PRDM1: variants seen among roughly 807,000 people sequenced by gnomAD.
PRDM1 encodes the protein PR domain zinc finger protein 1.
PRDM1 carries 13 observed loss-of-function variants against 62.8 expected under a neutral mutation model. The observed-to-expected ratio is 0.21, with a 90% confidence interval of 0.13 to 0.33. The LOEUF is 0.33. PRDM1 is among the 10% of genes least tolerant of loss of function. The pLI is 1.00. For missense variants in PRDM1, 895 were observed against 1,058.8 expected (o/e 0.85, Z 2.15); for synonymous variants, 396 against 417.6 (o/e 0.95, Z 0.63).
At chr6:106,002,588 C>T (rs1772439680) in intron 1 of PRDM1, among the ~76,000 whole-genome samples, 3 of 152,088 alleles carry the variant, frequency 2.0e-5, no homozygotes, top group Non-Finnish European at 4.4e-5. Flanking sequence ...ATGTATTCTG[C>T]TTTATACAAA....
At chr6:106,049,938 C>T (rs1370337887) in intron 1 of PRDM1, among the ~76,000 whole-genome samples, 1 of 152,200 alleles carries the variant, frequency 6.6e-6, no homozygotes, top group Non-Finnish European at 1.5e-5. Context: ...TTCATACCCA[C>T]ACTTTCACCC....
intron 1 of PRDM1, among the ~76,000 whole-genome samples, chr6:106,024,195 G>A (rs1362220093): frequency 6.6e-6 from 1 of 152,104 alleles, no homozygotes; most frequent in Non-Finnish European, 1.5e-5. Flanking sequence ...CCTGAAGCTG[G>A]TTTGATTCCT....
At position 106,106,572 on chromosome 6, in the gene PRDM1, T is replaced by C; in HGVS notation, c.1902+73T>C. ...CTGTGAGTCACCCTCCCATGTCCTA[T>C]ATAGCCCGTAGTTAAAGCCAACACC... On this transcript the variant is annotated intron_variant, in intron 6 of 6. Transcript: ENST00000369096. The surrounding 1 kb of genome is among the most constrained non-coding windows in gnomAD (Gnocchi z 4.4). 1 of 1,583,992 alleles carries C rather than the reference T, an allele frequency of 6.3e-7. No individual in the cohort carries two copies. The highest frequency in any genetic ancestry group is 8.6e-7 in the Non-Finnish European group (1 of 1,163,054).
chr6:106,045,045 T>G (rs530361825), upstream of PRDM1, among the ~76,000 whole-genome samples: 1 of 152,268 alleles, frequency 6.6e-6, no homozygotes, highest in East Asian at 1.9e-4. Flanking sequence ...AAAAGGGAGA[T>G]GCATATGGTA....
In PRDM1 at chr6:106,107,786, A is replaced by G. The variant is rs1035662703; in HGVS notation, c.*300A>G. On this transcript the variant is annotated 3_prime_UTR_variant, in exon 7 of 7. Transcript: ENST00000369096. Reference sequence around the variant, plus strand: ...TGAATATTTGTGTGGACATGTTTGCATAGCCTTCCCATTACTAAGACTATT... The same window carrying G: ...TGAATATTTGTGTGGACATGTTTGCGTAGCCTTCCCATTACTAAGACTATT... The G allele has an allele frequency of 1.3e-5, 3 of 230,396 alleles. No individual in the cohort carries two copies. Among genetic ancestry groups the G allele is most frequent in the African/African-American group, 6.7e-5 (3 of 45,058 alleles). The allele number at this position is 230,396 out of a possible 1,614,324, so 14.3% of individuals were successfully genotyped here. A position where few individuals can be genotyped will look rare whatever the true frequency, so the allele number is the denominator to read the frequency against.
At chr6:106,006,402 G>A (rs534811920) in intron 1 of PRDM1, among the ~76,000 whole-genome samples, 12 of 148,556 alleles carry the variant, frequency 8.1e-5, no homozygotes, top group African/African-American at 2.7e-4. Context: ...TATCTAATGA[G>A]CTTGCAATTA....
At chr6:106,076,397 G>A (rs1002567159) in intron 1 of PRDM1, among the ~76,000 whole-genome samples, 1 of 152,216 alleles carries the variant, frequency 6.6e-6, no homozygotes, top group Non-Finnish European at 1.5e-5. Context: ...TAGAGTGATA[G>A]TGCCTGTAAA....
intron 4 of PRDM1, 25 bp downstream of exon 4, chr6:106,099,577 A>G: frequency 6.2e-7 from 1 of 1,610,948 alleles, no homozygotes; most frequent in Non-Finnish European, 8.5e-7. Context: ...GAACAAAAAA[A>G]TAAAAAATGC....
chr6:105,999,381 C>T (rs28688253), intron 1 of PRDM1, among the ~76,000 whole-genome samples: 7,180 of 151,932 alleles, frequency 0.047, 356 homozygotes, highest in African/African-American at 0.13. Context: ...TATAGCAAGA[C>T]CCCCATGTCT....
chr6:106,061,132 G>A (rs1773338792), intron 1 of PRDM1, among the ~76,000 whole-genome samples: 1 of 152,084 alleles, frequency 6.6e-6, no homozygotes, highest in Non-Finnish European at 1.5e-5. Flanking sequence ...CAGTTAGATG[G>A]TTCCACTGAT....
chr6:106,105,782 C>T lies in PRDM1; in HGVS notation c.1622C>T (p.Pro541Leu). 2.5e-6 allele frequency: 4 copies of T among 1,614,214 alleles called. No individual in the cohort carries two copies. The highest frequency in any genetic ancestry group is 3.4e-6 in the Non-Finnish European group (4 of 1,180,044). ...PKATSAAMAA[P>L]SSDEAMNLIK... ...GCTACCTCAGCAGCGATGGCAGCCC[C>T]CAGCAGCGACGAAGCCATGAATCTC... Residue 541 changes from proline to leucine, a missense_variant, in exon 5 of 7, where the codon CCC becomes CTC. Physicochemically the swap from Pro to Leu is moderately conservative, Grantham distance 98 (BLOSUM62 -3). This residue lies in a region of PRDM1 where 444 missense variants were observed against 422.7 expected (regional missense o/e 1.05). Coordinates refer to ENST00000369096, the MANE Select transcript of PRDM1 (RefSeq NM_001198.4).
rs1299282082 is a variant in PRDM1, at chr6:106,105,765, A to G, written c.1605A>G (p.Ser535=). 3 of 1,614,100 alleles carry G rather than the reference A, an allele frequency of 1.9e-6. No individual in the cohort carries two copies. Among genetic ancestry groups the G allele is most frequent in the Non-Finnish European group, 2.5e-6 (3 of 1,180,050 alleles). ...ATGTGGTGCAGCCCAAAGCTACCTC[A>G]GCAGCGATGGCAGCCCCCAGCAGCG... ...AEHVVQPKAT[S]AAMAAPSSDE... is the part of the protein sequence containing the mutation. Residue 535 remains serine, a synonymous_variant, in exon 5 of 7, where the codon TCA becomes TCG. Transcript: ENST00000369096.
At position 106,061,816 on chromosome 6, in the gene PRDM1, C is replaced by T. The variant is rs73772571; in HGVS notation, c.-67+13102C>T. ...TCCAACTGGCAAATTCAGCTCTGGC[C>T]CATCCATGATCATTTCTACTTTAGT... is the stretch of plus-strand genomic sequence containing the variant. On this transcript the variant is annotated intron_variant, in intron 1 of 6. Transcript: ENST00000651185. Among the ~76,000 whole-genome samples, 1,341 of 152,268 alleles carry T rather than the reference C, an allele frequency of 8.8e-3. 17 individuals are homozygous for T. The highest frequency in any genetic ancestry group is 0.03 in the African/African-American group (1,264 of 41,542).
At chr6:106,014,971 A>G (rs1053756585) in intron 1 of PRDM1, among the ~76,000 whole-genome samples, 6 of 152,198 alleles carry the variant, frequency 3.9e-5, no homozygotes, top group Non-Finnish European at 5.9e-5. Context: ...ATAGAGTTCA[A>G]GATACAGCCC....
chr6:106,109,473 A>G lies in PRDM1; in HGVS notation c.*1987A>G. ...ACATCAACTAATGTTCACCTGTAGA[A>G]GAGAACAAATTTCGAATAATCCAGG... On this transcript the variant is annotated 3_prime_UTR_variant, in exon 7 of 7. Coordinates refer to ENST00000369096, the MANE Select transcript of PRDM1 (RefSeq NM_001198.4). 1 of 233,698 alleles carries G rather than the reference A, an allele frequency of 4.3e-6. No individual in the cohort carries two copies. Among genetic ancestry groups the G allele is most frequent in the East Asian group, 6.0e-5 (1 of 16,668 alleles). 14.5% of individuals were successfully genotyped at this position (233,698 alleles called of 1,614,324 possible).
At chr6:106,086,666 G>A (rs1773817229) in intron 1 of PRDM1, 71 bp downstream of exon 1, 1 of 1,362,884 alleles carries the variant, frequency 7.3e-7, no homozygotes, top group South Asian at 1.4e-5. Context: ...TTCCTTTATT[G>A]TTATTATTAT....
At chr6:106,068,293 T>C (rs1408501496) in intron 1 of PRDM1, among the ~76,000 whole-genome samples, 1 of 152,182 alleles carries the variant, frequency 6.6e-6, no homozygotes, top group Non-Finnish European at 1.5e-5. Context: ...GGTTTCACCA[T>C]GTTGGTCAGG....
chr6:106,067,472 C>G (rs1439498131), intron 1 of PRDM1, among the ~76,000 whole-genome samples: 2 of 152,052 alleles, frequency 1.3e-5, no homozygotes, highest in Non-Finnish European at 2.9e-5. Context: ...CAGCATTATT[C>G]ACAATAGTGG....
At chr6:106,062,649 A>C (rs1228147187) in intron 1 of PRDM1, among the ~76,000 whole-genome samples, 1 of 152,242 alleles carries the variant, frequency 6.6e-6, no homozygotes, top group Admixed American at 6.5e-5. Context: ...TAGCTTTCAA[A>C]GCGTTTTCCA....
Sources: allele counts gnomAD v4.1 joint callset (sites outside exome capture counted in the v4.1 genomes callset), GRCh38; gene constraint gnomAD v4.1.1; regional missense constraint gnomAD v4.1.1; non-coding constraint Gnocchi (gnomAD v3.1); transcripts MANE v1.5; gene names NCBI Gene and HGNC (gene_info 2026-07-23, HGNC 2026-07-21).